Variants in ZNF133 observed in about 807,000 individuals in gnomAD.
ZNF133 encodes zinc finger protein 133 (clone pHZ-13).
Under a neutral mutation model 54.9 loss-of-function variants are expected in ZNF133, and 26 were observed. The observed-to-expected ratio is 0.47, with a 90% CI of 0.35 to 0.66. The LOEUF is 0.66. ZNF133 is among the 30% of genes least tolerant of loss of function. The pLI is 0.01. For missense variants in ZNF133, 653 were observed against 820.8 expected, an observed-to-expected ratio of 0.80 and a Z score of 2.50; for synonymous variants, 298 against 320.3, an observed-to-expected ratio of 0.93 and a Z score of 0.74.
At chr20:18,307,201 T>C (rs2424153) in intron 6 of ZNF133, among the ~76,000 whole-genome samples, 151,712 of 152,316 alleles carry the variant, frequency 1, 75,554 homozygotes, top group East Asian at 1. Context: ...GTCTTTAACT[T>C]ATCCAGATAA....
intron 6 of ZNF133, among the ~76,000 whole-genome samples, chr20:18,308,533 A>T (rs553671084): frequency 6.6e-6 from 1 of 152,202 alleles, no homozygotes; most frequent in African/African-American, 2.4e-5. Context: ...TTACTCATTA[A>T]TGAAGTTTTT....
intron 3 of ZNF133, among the ~76,000 whole-genome samples, chr20:18,303,312 G>C (rs1485623375): frequency 6.6e-6 from 1 of 152,088 alleles, no homozygotes; most frequent in African/African-American, 2.4e-5. Flanking sequence ...CTCCCAAAGT[G>C]CTAGGGTTAC....
Position 18,290,827 on chromosome 20 carries a change from A to C in ZNF133, c.-432+2223A>C, listed in dbSNP as rs563920353. Among the ~76,000 whole-genome samples the C allele has an allele frequency of 2.0e-5, 3 of 152,092 alleles. No homozygotes were observed. In the East Asian group the frequency reaches 5.8e-4, roughly 30 times the overall value. On this transcript the variant is annotated intron_variant, in intron 1 of 6. Coordinates refer to ENST00000425686, the MANE Select transcript of ZNF133 (RefSeq NM_001352452.2). ...ATCCTTGTTTCCAAACTTACTTCCC[A>C]TTAGAAGTTGTGTCCTCCTGGCCGG...
At chr20:18,301,740 C>T (rs916351612) in intron 3 of ZNF133, among the ~76,000 whole-genome samples, 1 of 152,092 alleles carries the variant, frequency 6.6e-6, no homozygotes. Context: ...AAGTGTATAA[C>T]TAGTGAGGAG....
chr20:18,293,515 T>C (rs1214950889), intron 1 of ZNF133, among the ~76,000 whole-genome samples: 3 of 152,190 alleles, frequency 2.0e-5, no homozygotes, highest in Non-Finnish European at 4.4e-5. Flanking sequence ...ACTGGCACAG[T>C]GTCACTTGTG....
intron 3 of ZNF133, among the ~76,000 whole-genome samples, chr20:18,301,932 T>TCACA (rs2043440372): frequency 2.0e-5 from 3 of 152,196 alleles, no homozygotes; most frequent in Non-Finnish European, 2.9e-5. Context: ...AGCATTACTC[T>TCACA]GATACCAAAA....
At chr20:18,310,240 T>C (rs2045567491) in intron 6 of ZNF133, 4 of 1,528,354 alleles carry the variant, frequency 2.6e-6, no homozygotes, top group Non-Finnish European at 3.5e-6. Context: ...AGCAAGTCAT[T>C]GTGGTTGCCC....
chr20:18,306,272 T>G, intron 5 of ZNF133, 26 bp from the exon 6 acceptor site: 1 of 1,602,826 alleles, frequency 6.2e-7, no homozygotes, highest in African/African-American at 1.3e-5. Flanking sequence ...ATAACCTAGT[T>G]ACTTATTTTC....
chr20:18,300,630 C>A (rs915609911), intron 3 of ZNF133, among the ~76,000 whole-genome samples: 4 of 152,018 alleles, frequency 2.6e-5, no homozygotes, highest in Non-Finnish European at 4.4e-5. Flanking sequence ...TGGAAAAAGA[C>A]GTTTCATGCA....
chr20:18,309,911 G>A (rs1600524939), intron 6 of ZNF133, among the ~76,000 whole-genome samples: 1 of 152,318 alleles, frequency 6.6e-6, no homozygotes, highest in East Asian at 1.9e-4. Context: ...CAAGGACATG[G>A]AAGGAATGTT....
chr20:18,299,827 T>A (rs1217347181), intron 3 of ZNF133, among the ~76,000 whole-genome samples: 1 of 152,196 alleles, frequency 6.6e-6, no homozygotes, highest in South Asian at 2.1e-4. Context: ...CAAAAAAGCC[T>A]GCCAATCAAA....
At chr20:18,314,931 G>C (rs989408085) in intron 6 of ZNF133, 138 bp from the exon 7 acceptor site, 1 of 761,222 alleles carries the variant, frequency 1.3e-6, no homozygotes, top group Non-Finnish European at 2.0e-6. Context: ...GTAGGCTGGA[G>C]AGTAGGCCAT....
intron 3 of ZNF133, among the ~76,000 whole-genome samples, chr20:18,304,397 T>C (rs2044140669): frequency 6.6e-6 from 1 of 152,226 alleles, no homozygotes; most frequent in Admixed American, 6.5e-5. Flanking sequence ...ATTCCACTTT[T>C]GAGTGTATAC....
chr20:18,310,255 A>AG (rs1355313228), intron 6 of ZNF133: 1 of 1,531,792 alleles, frequency 6.5e-7, no homozygotes, highest in Non-Finnish European at 8.7e-7. Flanking sequence ...TTGCCCAGGA[A>AG]GCTGTCTTGG....
At position 18,305,002 on chromosome 20, in the gene ZNF133, T is replaced by C. The variant is rs1033535572; in HGVS notation, c.-177-6T>C. On this transcript the variant is annotated splice_region_variant and splice_polypyrimidine_tract_variant and intron_variant, in intron 3 of 6. Coordinates refer to ENST00000425686, the MANE Select transcript of ZNF133 (RefSeq NM_001352452.2). The surrounding 1 kb of genome is among the most constrained non-coding windows in gnomAD (Gnocchi z 4.7). The stretch of plus-strand genomic sequence containing the variant: ...CTTAGAAACCCCTTTCTAATCTCTA[T>C]TCCAGTGTGTCCTCCATTTGGAAGT... 1.9e-5 allele frequency: 19 copies of C among 985,342 alleles called. No homozygotes were observed. The highest frequency in any genetic ancestry group is 2.3e-5 in the Non-Finnish European group (19 of 829,970). 61.0% of individuals were successfully genotyped at this position (985,342 alleles called of 1,614,324 possible). A position where few individuals can be genotyped will look rare whatever the true frequency, so the allele number is the denominator to read the frequency against.
chr20:18,297,805 C>T (rs1315875269), intron 1 of ZNF133, among the ~76,000 whole-genome samples, 180 bp from the exon 2 acceptor site: 1 of 152,032 alleles, frequency 6.6e-6, no homozygotes, highest in Admixed American at 6.6e-5. Flanking sequence ...CCCTGGATTA[C>T]TCTCTCTTGC....
Position 18,315,593 on chromosome 20 carries a change from G to A in ZNF133, c.742G>A (p.Glu248Lys), listed in dbSNP as rs746149768. 2.3e-5 allele frequency: 37 copies of A among 1,613,970 alleles called. No homozygotes were observed. The highest frequency in any genetic ancestry group is 2.7e-5 in the Non-Finnish European group (32 of 1,180,000). Residue 248 changes from glutamate to lysine, a missense_variant, in exon 7 of 7, where the codon GAG (glutamate) becomes AAG (lysine). Physicochemically the swap from Glu to Lys is moderately conservative, Grantham distance 56. Transcript: ENST00000425686. ...GEKPYVCGVC[E>K]KGFSLKKSLA... ...GAAGCCCTACGTGTGTGGGGTATGTGAGAAGGGCTTCAGCCTAAAGAAGAG... is the reference window on the plus strand; with the variant it reads ...GAAGCCCTACGTGTGTGGGGTATGTAAGAAGGGCTTCAGCCTAAAGAAGAG...
intron 3 of ZNF133, among the ~76,000 whole-genome samples, chr20:18,300,143 G>A (rs1387209971): frequency 6.6e-6 from 1 of 152,112 alleles, no homozygotes; most frequent in Non-Finnish European, 1.5e-5. Flanking sequence ...AATAGTCTAT[G>A]TTTTTGACCA....
rs577786883 is a variant in ZNF133, at chr20:18,302,458, G to T, written c.-177-2550G>T. Among the ~76,000 whole-genome samples the T allele has an allele frequency of 6.1e-5, 9 of 146,830 alleles. 1 individual carries two copies. The highest frequency in any genetic ancestry group is 2.2e-4 in the African/African-American group (9 of 40,084). On this transcript the variant is annotated intron_variant, in intron 3 of 6. Transcript: ENST00000425686. Reference sequence around the variant, plus strand: ...TAAAATATCACATTAACAGATGAAAGAAAAAAAACACATGATCATCTCAAT... The same window carrying T: ...TAAAATATCACATTAACAGATGAAATAAAAAAAACACATGATCATCTCAAT...
Sources: gnomAD v4.1 joint callset for allele counts (sites outside exome capture counted in the v4.1 genomes callset) on GRCh38, gnomAD v4.1.1 for gene constraint, Gnocchi (gnomAD v3.1) non-coding constraint, MANE v1.5 for transcripts, NCBI Gene and HGNC (gene_info 2026-07-23, HGNC 2026-07-21) for gene names.